GRM3: variants seen among roughly 807,000 people sequenced by gnomAD.
The protein encoded by GRM3 is glutamate metabotropic receptor 3, also known as metabotropic glutamate receptor 3.
GRM3 carries 26 observed loss-of-function variants against 70.5 expected under a neutral mutation model. That is an observed-to-expected ratio of 0.37 (90% CI 0.27 to 0.51). The LOEUF (loss-of-function observed/expected upper bound fraction) is 0.51, where lower values mean the gene tolerates loss of function less well. GRM3 is among the 20% of genes least tolerant of loss of function. The probability of loss-of-function intolerance (pLI) is 0.93; values close to 1 mark genes in which losing one functional copy is unlikely to be tolerated. For synonymous variants in GRM3, 443 were observed against 434.9 expected, an observed-to-expected ratio of 1.02 and a Z score of -0.23; for missense variants, 859 against 1,123.8, an observed-to-expected ratio of 0.76 and a Z score of 3.37.
chr7:86,736,001 A>C (rs1795848687), intron 1 of GRM3, among the ~76,000 whole-genome samples: 1 of 152,208 alleles, frequency 6.6e-6, no homozygotes, highest in South Asian at 2.1e-4. Context: ...GTCATTAAGC[A>C]ATGAGACCAG....
At chr7:86,810,792 A>C (rs1278014745) in intron 3 of GRM3, among the ~76,000 whole-genome samples, 1 of 152,008 alleles carries the variant, frequency 6.6e-6, no homozygotes, top group Non-Finnish European at 1.5e-5. Context: ...AATATTTCTT[A>C]AAAAGACTTT....
chr7:86,833,419 A>AT (rs1798393994), intron 3 of GRM3, among the ~76,000 whole-genome samples: 1 of 112,502 alleles, frequency 8.9e-6, no homozygotes, highest in African/African-American at 4.2e-5. Flanking sequence ...AATAATAAAG[A>AT]AAAAAAAGAA....
chr7:86,768,389 C>A (rs1057167460), intron 2 of GRM3, among the ~76,000 whole-genome samples: 1 of 152,190 alleles, frequency 6.6e-6, no homozygotes, highest in African/African-American at 2.4e-5. Flanking sequence ...CTGTATTAAG[C>A]TCCTACTGTG....
chr7:86,793,464 C>A (rs1238038025), intron 3 of GRM3, among the ~76,000 whole-genome samples: 2 of 152,218 alleles, frequency 1.3e-5, no homozygotes, highest in African/African-American at 4.8e-5. Context: ...TCCCCTGGAA[C>A]ATTTGTAGTT....
chr7:86,845,844 T>C (rs1475371403), intron 4 of GRM3, among the ~76,000 whole-genome samples: 1 of 152,218 alleles, frequency 6.6e-6, no homozygotes, highest in African/African-American at 2.4e-5. Context: ...TCATCATTAC[T>C]GTCACTATTG....
chr7:86,657,421 C>A (rs1314014818), intron 1 of GRM3, among the ~76,000 whole-genome samples: 1 of 152,118 alleles, frequency 6.6e-6, no homozygotes, highest in African/African-American at 2.4e-5. Context: ...GTCCTGGGCT[C>A]TAAAAAATTA....
Position 86,854,390 on chromosome 7 carries a change from A to T in GRM3, c.2566+3846A>T, listed in dbSNP as rs180950187. Among the ~76,000 whole-genome samples, 23 of 152,300 alleles carry T rather than the reference A, an allele frequency of 1.5e-4. 1 individual carries two copies. Among genetic ancestry groups the T allele is most frequent in the Non-Finnish European group, 2.9e-4 (20 of 68,028 alleles). ...AGTTGCTCCACAAAACTGGAAAAGC[A>T]TGACCACACTCAGTAGCAGACATGA... On this transcript the variant is annotated intron_variant, in intron 5 of 5. Transcript: ENST00000361669.
At chr7:86,727,505 T>A (rs2116259054) in intron 1 of GRM3, among the ~76,000 whole-genome samples, 1 of 152,316 alleles carries the variant, frequency 6.6e-6, no homozygotes, top group South Asian at 2.1e-4. Context: ...GTACAGAACA[T>A]TTGTATTTAC....
chr7:86,774,425 T>C (rs1796831593), intron 2 of GRM3, among the ~76,000 whole-genome samples: 1 of 152,094 alleles, frequency 6.6e-6, no homozygotes, highest in South Asian at 2.1e-4. Context: ...CTTTGAACAC[T>C]AAAAGTGTAG....
At chr7:86,765,760 T>C (rs900929926) in intron 2 of GRM3, 147 bp downstream of exon 2, 8 of 734,724 alleles carry the variant, frequency 1.1e-5, no homozygotes, top group Non-Finnish European at 1.5e-5. Flanking sequence ...TTTGATAATA[T>C]AGGTTTGCAG....
intron 1 of GRM3, among the ~76,000 whole-genome samples, chr7:86,708,748 T>A (rs1795116651): frequency 6.6e-6 from 1 of 152,250 alleles, no homozygotes; most frequent in South Asian, 2.1e-4. Context: ...GCATAACTCC[T>A]AATTATGCAT....
intron 1 of GRM3, among the ~76,000 whole-genome samples, chr7:86,685,867 T>C (rs944374455): frequency 2.1e-5 from 3 of 142,260 alleles, no homozygotes; most frequent in Non-Finnish European, 4.5e-5. Flanking sequence ...ATCGCACCAC[T>C]GCACTCTTAG....
At chr7:86,652,303 TTTTG>T (rs1363663349) in intron 1 of GRM3, among the ~76,000 whole-genome samples, 1 of 84,746 alleles carries the variant, frequency 1.2e-5, no homozygotes, top group Non-Finnish European at 2.4e-5. Context: ...GGAAGATAAT[TTTTG>T]TTTGTTTTTT....
chr7:86,701,579 C>T (rs1794947288), intron 1 of GRM3, among the ~76,000 whole-genome samples: 1 of 151,850 alleles, frequency 6.6e-6, no homozygotes, highest in South Asian at 2.1e-4. Context: ...TGTGAATCAT[C>T]CATAATTTGC....
chr7:86,839,182 T>G lies in GRM3; in HGVS notation c.1668T>G (p.Thr556=), dbSNP rs199787664. The G allele has an allele frequency of 3.8e-5, 61 of 1,613,662 alleles. No homozygotes were observed. In the East Asian group the frequency reaches 1.3e-3, roughly 35 times the overall value. ...ATTGTGGGTCTGGACAGTGGCCCAC[T>G]GCAGACCTAACTGGATGCTATGACC... ...CMDCGSGQWP[T]ADLTGCYDLP... Residue 556 remains threonine, a synonymous_variant, in exon 4 of 6, where the codon ACT becomes ACG. Coordinates refer to ENST00000361669, the MANE Select transcript of GRM3 (RefSeq NM_000840.3). This position sits in a 1 kb window ranked among gnomAD's most constrained non-coding sequence, Gnocchi z 4.5.
At chr7:86,758,186 A>G (rs866279324) in intron 1 of GRM3, among the ~76,000 whole-genome samples, 1 of 152,182 alleles carries the variant, frequency 6.6e-6, no homozygotes. Context: ...GAAATTATAT[A>G]AAAAGGGACT....
intron 1 of GRM3, among the ~76,000 whole-genome samples, chr7:86,683,708 T>A (rs905309826): frequency 6.6e-6 from 1 of 152,172 alleles, no homozygotes; most frequent in African/African-American, 2.4e-5. Context: ...TTAAGGAATA[T>A]GTCTCTGCCT....
chr7:86,816,272 T>A lies in GRM3; in HGVS notation c.1325-22567T>A, dbSNP rs189941466. Among the ~76,000 whole-genome samples the A allele has an allele frequency of 2.6e-5, 4 of 152,032 alleles. No homozygotes were observed. In the East Asian group the frequency reaches 7.8e-4, roughly 29 times the overall value. ...CTTTCAACAAACATTCCTTGAAGCTTACTAAGCGACAAGCACTTTTTTTTT... is the reference window on the plus strand; with the variant it reads ...CTTTCAACAAACATTCCTTGAAGCTAACTAAGCGACAAGCACTTTTTTTTT... On this transcript the variant is annotated intron_variant, in intron 3 of 5. Transcript: ENST00000361669.
At chr7:86,657,914 A>G (rs1793788071) in intron 1 of GRM3, among the ~76,000 whole-genome samples, 1 of 152,236 alleles carries the variant, frequency 6.6e-6, no homozygotes, top group Admixed American at 6.5e-5. Context: ...AGAAAAGAGC[A>G]TGCTGCATAA....
Sources: allele counts gnomAD v4.1 joint callset (sites outside exome capture counted in the v4.1 genomes callset), GRCh38; gene constraint gnomAD v4.1.1; non-coding constraint Gnocchi (gnomAD v3.1); transcripts MANE v1.5; gene names NCBI Gene and HGNC (gene_info 2026-07-23, HGNC 2026-07-21).